The following LARP4B variants were observed in gnomAD, a reference collection of about 807,000 sequenced individuals.
The protein encoded by LARP4B is La ribonucleoprotein 4B.
A neutral mutation model predicts 89.8 loss-of-function variants in LARP4B; 12 were observed. The observed-to-expected ratio is 0.13, with a 90% CI of 0.09 to 0.22. The LOEUF (loss-of-function observed/expected upper bound fraction) is 0.22. LARP4B is among the 10% of genes least tolerant of loss of function. The pLI, the probability that LARP4B is intolerant of heterozygous loss-of-function variation, is 1.00. For synonymous variants in LARP4B, 367 were observed against 363.3 expected, an observed-to-expected ratio of 1.01 and a Z score of -0.12; for missense variants, 757 against 947.7, an observed-to-expected ratio of 0.80 and a Z score of 2.64.
chr10:840,617 T>C (rs1221792981), intron 7 of LARP4B, among the ~76,000 whole-genome samples: 1 of 152,166 alleles, frequency 6.6e-6, no homozygotes, highest in African/African-American at 2.4e-5. Context: ...AGCAGTTCAG[T>C]TACATGAAGG....
intron 1 of LARP4B, among the ~76,000 whole-genome samples, chr10:890,488 G>T (rs1588967756): frequency 6.6e-6 from 1 of 152,208 alleles, no homozygotes; most frequent in African/African-American, 2.4e-5. Flanking sequence ...ATTAAACAAA[G>T]AAAAGAGTGA....
intron 3 of LARP4B, chr10:870,008 C>G: frequency 4.1e-6 from 4 of 976,676 alleles, no homozygotes; most frequent in Non-Finnish European, 4.9e-6. Context: ...AGAAAACATA[C>G]TTACGAACTG....
the LARP4B span, among the ~76,000 whole-genome samples, chr10:940,003 G>C: frequency 6.7e-6 from 1 of 148,998 alleles, no homozygotes; most frequent in Non-Finnish European, 1.5e-5. Flanking sequence ...GTGCCACCAC[G>C]CCCGGCTAAT....
intron 5 of LARP4B, among the ~76,000 whole-genome samples, chr10:858,689 A>G (rs543226930): frequency 1.3e-5 from 2 of 152,362 alleles, no homozygotes; most frequent in Admixed American, 1.3e-4. Flanking sequence ...ACTCCTAAAG[A>G]CATTAACAAA....
the LARP4B span, among the ~76,000 whole-genome samples, chr10:949,051 T>C: frequency 6.6e-6 from 1 of 152,372 alleles, no homozygotes; most frequent in Non-Finnish European, 1.5e-5. Context: ...AGTGGTTGCA[T>C]GTTTAGTTTG....
intron 1 of LARP4B, among the ~76,000 whole-genome samples, chr10:928,858 G>A (rs965355422): frequency 2.0e-5 from 3 of 151,492 alleles, no homozygotes; most frequent in African/African-American, 7.3e-5. Flanking sequence ...ACAGGAATGA[G>A]CCACCTCACC....
chr10:820,516 G>C, intron 14 of LARP4B: 1 of 392,054 alleles, frequency 2.6e-6, no homozygotes, highest in Non-Finnish European at 4.6e-6. Context: ...CCGTGTGTAG[G>C]CTGCAGTGCA....
At chr10:889,699 C>T (rs1186879380) in intron 1 of LARP4B, among the ~76,000 whole-genome samples, 1 of 152,178 alleles carries the variant, frequency 6.6e-6, no homozygotes, top group Non-Finnish European at 1.5e-5. Flanking sequence ...ACTGGCTCAC[C>T]AACACTTTGG....
At chr10:949,415 T>A in the LARP4B span, among the ~76,000 whole-genome samples, 2 of 151,716 alleles carry the variant, frequency 1.3e-5, no homozygotes, top group Admixed American at 6.6e-5. Context: ...GTTTTCCAGG[T>A]GGCTGTACCA....
At chr10:905,917 T>C (rs1267647207) in intron 1 of LARP4B, among the ~76,000 whole-genome samples, 1 of 152,214 alleles carries the variant, frequency 6.6e-6, no homozygotes, top group Non-Finnish European at 1.5e-5. Flanking sequence ...CTCTACCCTC[T>C]TCCACTTCGT....
intron 11 of LARP4B, among the ~76,000 whole-genome samples, chr10:828,515 T>C (rs1387671441): frequency 1.3e-5 from 2 of 152,216 alleles, no homozygotes; most frequent in African/African-American, 2.4e-5. Context: ...GTGACATCCC[T>C]GCACATCAGG....
intron 3 of LARP4B, among the ~76,000 whole-genome samples, chr10:868,708 A>T (rs1277490796): frequency 1.3e-4 from 20 of 152,260 alleles, no homozygotes; most frequent in Non-Finnish European, 1.5e-5. Context: ...GAATTTGAAC[A>T]TAACTCTCTC....
intron 3 of LARP4B, chr10:872,982 T>G: frequency 1.0e-6 from 1 of 976,202 alleles, no homozygotes; most frequent in Non-Finnish European, 1.2e-6. Context: ...CTGGCTCCAC[T>G]GCCAGTACGG....
intron 1 of LARP4B, among the ~76,000 whole-genome samples, chr10:911,683 T>C (rs187926357): frequency 1.4e-4 from 21 of 152,298 alleles, no homozygotes; most frequent in Middle Eastern, 3.4e-3. Context: ...ACTCACCCCC[T>C]TCTGGAAGGG....
At chr10:980,063 C>A in the LARP4B span, among the ~76,000 whole-genome samples, 1 of 152,148 alleles carries the variant, frequency 6.6e-6, no homozygotes, top group Non-Finnish European at 1.5e-5. Flanking sequence ...CACTACAGGC[C>A]CCAGGCAAAC....
chr10:855,786 G>A (rs1834269708), intron 5 of LARP4B, among the ~76,000 whole-genome samples: 1 of 152,218 alleles, frequency 6.6e-6, no homozygotes, highest in South Asian at 2.1e-4. Context: ...TAAAGAAGGT[G>A]GTAGCTGCAA....
At position 884,458 on chromosome 10, in the gene LARP4B, G is replaced by A; in HGVS notation, c.130C>T (p.Pro44Ser). The change falls in exon 3 of 18, where the codon CCT (proline) becomes TCT (serine). Residue 44 changes from proline (P) to serine (S), a missense_variant. Physicochemically the swap from Pro to Ser is moderately conservative, Grantham distance 74. Transcript: ENST00000316157. ...QTTSQTSSIP[P>S]LSQVPATKVS... ...CAAAATTGAATTACCTGACTCAAAG[G>A]TGGGATGGAACTTGTCTGAGAAGTG... The A allele has an allele frequency of 6.2e-7, 1 of 1,604,372 alleles. No individual in the cohort carries two copies. Among genetic ancestry groups the A allele is most frequent in the Non-Finnish European group, 8.5e-7 (1 of 1,171,444 alleles).
intron 1 of LARP4B, among the ~76,000 whole-genome samples, chr10:915,841 A>AAAG (rs1836805827): frequency 6.6e-6 from 1 of 152,076 alleles, no homozygotes; most frequent in African/African-American, 2.4e-5. Flanking sequence ...TCAAAAAAAA[A>AAAG]AAAAAAAAAG....
the LARP4B span, among the ~76,000 whole-genome samples, chr10:967,014 C>T: frequency 4.6e-5 from 7 of 152,214 alleles, no homozygotes; most frequent in Non-Finnish European, 8.8e-5. Flanking sequence ...TGAGGGATCT[C>T]ATTCATCCAC....
Sources: allele counts gnomAD v4.1 joint callset (sites outside exome capture counted in the v4.1 genomes callset), GRCh38; gene constraint gnomAD v4.1.1; transcripts MANE v1.5; gene names NCBI Gene and HGNC (gene_info 2026-07-23, HGNC 2026-07-21).